RORA: variants seen among roughly 807,000 people sequenced by gnomAD.
RORA encodes RAR related orphan receptor A.
A neutral mutation model predicts 69.5 loss-of-function variants in RORA; 7 were observed. The ratio of observed to expected loss-of-function variants is 0.10; its 90% CI spans 0.06 to 0.19. RORA has a LOEUF of 0.19. RORA is among the 10% of genes least tolerant of loss of function. The pLI is 1.00. For missense variants in RORA, 457 were observed against 663.0 expected (o/e 0.69, Z 3.41); for synonymous variants, 261 against 240.8 (o/e 1.08, Z -0.78).
At chr15:61,012,519 A>G (rs1311972280) in intron 1 of RORA, among the ~76,000 whole-genome samples, 1 of 152,258 alleles carries the variant, frequency 6.6e-6, no homozygotes, top group Non-Finnish European at 1.5e-5. Flanking sequence ...CTATAATTCA[A>G]ACAAAATTCA....
chr15:60,861,639 C>A (rs1026322560), intron 1 of RORA, among the ~76,000 whole-genome samples: 27 of 152,160 alleles, frequency 1.8e-4, no homozygotes, highest in Middle Eastern at 3.2e-3. Context: ...CAGGTGCGAG[C>A]CACCATGCCT....
intron 1 of RORA, among the ~76,000 whole-genome samples, chr15:60,895,559 C>G (rs938023820): frequency 1.3e-4 from 18 of 136,424 alleles, no homozygotes; most frequent in Admixed American, 1.3e-3. Flanking sequence ...CTCCACCCCC[C>G]TCTCAGAATG....
At chr15:60,679,134 C>T (rs976444118) in intron 1 of RORA, among the ~76,000 whole-genome samples, 3 of 152,094 alleles carry the variant, frequency 2.0e-5, no homozygotes, top group South Asian at 2.1e-4. Context: ...TTAATGAAAA[C>T]GACCCTTCCT....
chr15:60,628,932 G>A (rs529478305), intron 2 of RORA, among the ~76,000 whole-genome samples: 2 of 152,246 alleles, frequency 1.3e-5, no homozygotes, highest in Non-Finnish European at 2.9e-5. Flanking sequence ...GTTTAGAGAG[G>A]CCCGTTTTAG....
intron 1 of RORA, among the ~76,000 whole-genome samples, chr15:60,699,919 G>A (rs1276192491): frequency 6.6e-6 from 1 of 151,964 alleles, no homozygotes; most frequent in South Asian, 2.1e-4. Context: ...AGCTAAGAGG[G>A]CTTCATTTGC....
intron 1 of RORA, among the ~76,000 whole-genome samples, chr15:61,078,305 A>C (rs1405003485): frequency 6.6e-6 from 1 of 151,086 alleles, no homozygotes; most frequent in East Asian, 1.9e-4. Flanking sequence ...CTGAGATTAC[A>C]GGCACGTGCC....
At chr15:60,821,325 G>A (rs2072890643) in intron 1 of RORA, among the ~76,000 whole-genome samples, 1 of 152,136 alleles carries the variant, frequency 6.6e-6, no homozygotes. Context: ...TGGCTGTTTG[G>A]ATCCGGGGCT....
rs868576052 is a variant in RORA at position 60,854,156 on chromosome 15, G to A, written c.167-175470C>T. On this transcript the variant is annotated intron_variant, in intron 1 of 10. Coordinates refer to ENST00000335670, the MANE Select transcript of RORA (RefSeq NM_134261.3). Reference sequence around the variant, plus strand: ...GCGCATCTGTAGGCCCAGCTACTTGGGAGGCTGAGGCTGGAGAATCGCTTG... The same window carrying A: ...GCGCATCTGTAGGCCCAGCTACTTGAGAGGCTGAGGCTGGAGAATCGCTTG... Among the ~76,000 whole-genome samples, 7 of 152,180 alleles carry A rather than the reference G, an allele frequency of 4.6e-5. No individual in the cohort carries two copies. The Middle Eastern group carries it at 0.014, about 296-fold the overall frequency.
At chr15:60,940,276 A>G (rs979232457) in intron 1 of RORA, among the ~76,000 whole-genome samples, 10 of 152,244 alleles carry the variant, frequency 6.6e-5, no homozygotes, top group African/African-American at 2.4e-4. Flanking sequence ...AAGGCCATCA[A>G]TTGGTAAGGA....
At chr15:60,697,975 T>G (rs1032081917) in intron 1 of RORA, among the ~76,000 whole-genome samples, 2 of 152,178 alleles carry the variant, frequency 1.3e-5, no homozygotes, top group South Asian at 4.1e-4. Context: ...CACATGTGTG[T>G]AAAATAAACG....
At chr15:61,043,283 A>T (rs564718050) in intron 1 of RORA, among the ~76,000 whole-genome samples, 1 of 152,318 alleles carries the variant, frequency 6.6e-6, no homozygotes, top group African/African-American at 2.4e-5. Flanking sequence ...GCACAAGTCA[A>T]CCACAGATGA....
At chr15:60,932,485 G>C (rs1393818894) in intron 1 of RORA, among the ~76,000 whole-genome samples, 2 of 152,150 alleles carry the variant, frequency 1.3e-5, no homozygotes, top group Non-Finnish European at 2.9e-5. Flanking sequence ...AGTTTCATTT[G>C]TTTACGTGTT....
intron 1 of RORA, among the ~76,000 whole-genome samples, chr15:60,934,436 G>C (rs989069076): frequency 1.3e-5 from 2 of 152,066 alleles, no homozygotes; most frequent in Middle Eastern, 3.2e-3. Flanking sequence ...CAGAGTATTT[G>C]ACTTAGTAGC....
chr15:60,761,550 C>G (rs926420860), intron 1 of RORA, among the ~76,000 whole-genome samples: 1 of 152,100 alleles, frequency 6.6e-6, no homozygotes, highest in Non-Finnish European at 1.5e-5. Flanking sequence ...TTTCTACTTT[C>G]AAGCTCTTGC....
intron 2 of RORA, among the ~76,000 whole-genome samples, chr15:60,654,214 A>G (rs775937296): frequency 2.5e-4 from 38 of 152,188 alleles, no homozygotes; most frequent in Non-Finnish European, 4.7e-4. Context: ...GACAGGGGTA[A>G]TGCAACTGTT....
chr15:60,513,743 T>G (rs1051265166), intron 4 of RORA, among the ~76,000 whole-genome samples: 1 of 152,226 alleles, frequency 6.6e-6, no homozygotes, highest in Non-Finnish European at 1.5e-5. Flanking sequence ...CGTGCCTATG[T>G]AGATCTACAG....
rs561355062 is a variant in RORA, at chr15:61,090,361, T to C, written c.166+138692A>G. ...AATAACCCAAATCAAGGTGCCCCTC[T>C]GTGAATATGAATGAGGCAGTTGCCA... On this transcript the variant is annotated intron_variant, in intron 1 of 10. Coordinates refer to ENST00000335670, the MANE Select transcript of RORA (RefSeq NM_134261.3). 3.9e-5 allele frequency among the ~76,000 whole-genome samples: 6 copies of C among 152,310 alleles called. No individual in the cohort carries two copies. In the South Asian group the frequency reaches 1.0e-3, roughly 26 times the overall value.
At chr15:61,034,070 C>G (rs963121458) in intron 1 of RORA, among the ~76,000 whole-genome samples, 1 of 152,106 alleles carries the variant, frequency 6.6e-6, no homozygotes, top group African/African-American at 2.4e-5. Context: ...TATGCCACTT[C>G]CATTATAGTT....
intron 2 of RORA, among the ~76,000 whole-genome samples, chr15:60,609,873 T>C (rs1020736130): frequency 6.6e-6 from 1 of 151,946 alleles, no homozygotes; most frequent in African/African-American, 2.4e-5. Flanking sequence ...GATAACACCA[T>C]TGCAGAACAG....
Sources: gnomAD v4.1 joint callset for allele counts (sites outside exome capture counted in the v4.1 genomes callset) on GRCh38, gnomAD v4.1.1 for gene constraint, MANE v1.5 for transcripts, NCBI Gene and HGNC (gene_info 2026-07-23, HGNC 2026-07-21) for gene names.